Variants in ROBO1 observed in about 807,000 individuals in gnomAD.
The protein encoded by ROBO1 is roundabout homolog 1.
A neutral mutation model predicts 195.9 loss-of-function variants in ROBO1; 149 were observed. The ratio of observed to expected loss-of-function variants is 0.76; its 90% CI spans 0.67 to 0.87. The LOEUF is 0.87. ROBO1 is among the 40% of genes least tolerant of loss of function. ROBO1 has a pLI of 0.00. For synonymous variants in ROBO1, 816 were observed against 733.2 expected, an observed-to-expected ratio of 1.11 and a Z score of -1.82; for missense variants, 1,933 against 2,068.3, an observed-to-expected ratio of 0.93 and a Z score of 1.27.
At chr3:79,167,511 G>C (rs1195685176) in intron 2 of ROBO1, among the ~76,000 whole-genome samples, 1 of 152,130 alleles carries the variant, frequency 6.6e-6, no homozygotes, top group Non-Finnish European at 1.5e-5. Flanking sequence ...TGGGGCTACT[G>C]TCTTCATATA....
At chr3:79,409,699 A>G (rs1306531706) in intron 2 of ROBO1, among the ~76,000 whole-genome samples, 2 of 152,258 alleles carry the variant, frequency 1.3e-5, no homozygotes, top group Non-Finnish European at 1.5e-5. Context: ...GAAAAGGTTG[A>G]AACCCATGAG....
At chr3:78,598,963 AAT>A (rs1703002382) in intron 30 of ROBO1, 36 bp from the exon 31 acceptor site, 1 of 1,414,960 alleles carries the variant, frequency 7.1e-7, no homozygotes, top group Non-Finnish European at 9.8e-7. Context: ...TTTGAAAATA[AAT>A]CTTAAGAGGA....
intron 3 of ROBO1, among the ~76,000 whole-genome samples, chr3:79,029,275 G>T (rs1456208113): frequency 6.6e-6 from 1 of 151,964 alleles, no homozygotes; most frequent in African/African-American, 2.4e-5. Context: ...AGTGAAAAAT[G>T]AACCATAAAA....
chr3:79,714,642 A>G (rs1702406764), intron 1 of ROBO1, among the ~76,000 whole-genome samples: 1 of 151,936 alleles, frequency 6.6e-6, no homozygotes. Context: ...AATGTGGCAC[A>G]TATACATCAT....
chr3:79,437,355 T>C (rs2038921757), intron 2 of ROBO1, among the ~76,000 whole-genome samples: 1 of 152,012 alleles, frequency 6.6e-6, no homozygotes, highest in African/African-American at 2.4e-5. Context: ...TTCCTTTCTG[T>C]CCATTCCTTC....
At chr3:79,041,079 A>C (rs186622298) in intron 3 of ROBO1, among the ~76,000 whole-genome samples, 61 of 152,184 alleles carry the variant, frequency 4.0e-4, no homozygotes, top group African/African-American at 1.4e-3. Context: ...CTTCTCTCGC[A>C]ATTTTTCATG....
intron 1 of ROBO1, among the ~76,000 whole-genome samples, chr3:79,620,537 T>C (rs1345045955): frequency 2.6e-5 from 4 of 151,848 alleles, no homozygotes; most frequent in Admixed American, 1.3e-4. Flanking sequence ...TTATACTCTC[T>C]TTTTTAGTTG....
intron 4 of ROBO1, among the ~76,000 whole-genome samples, chr3:78,895,939 T>C (rs776647752): frequency 1.2e-4 from 19 of 152,324 alleles, no homozygotes; most frequent in Non-Finnish European, 2.6e-4. Flanking sequence ...ATCCTCAAAA[T>C]GTCTGAGGTT....
chr3:79,484,285 T>C (rs1454342800), intron 2 of ROBO1, among the ~76,000 whole-genome samples: 1 of 152,106 alleles, frequency 6.6e-6, no homozygotes, highest in Non-Finnish European at 1.5e-5. Flanking sequence ...GTCTAGTCAG[T>C]TTTCAAGAAA....
chr3:79,392,591 T>A (rs1294320860), intron 2 of ROBO1, among the ~76,000 whole-genome samples: 1 of 152,130 alleles, frequency 6.6e-6, no homozygotes, highest in East Asian at 1.9e-4. Context: ...TTAACAATAT[T>A]ATAGGTTTTA....
chr3:79,154,717 A>G (rs1224688715), intron 2 of ROBO1, among the ~76,000 whole-genome samples: 2 of 151,810 alleles, frequency 1.3e-5, no homozygotes, highest in Non-Finnish European at 2.9e-5. Context: ...ATGAAAAAAA[A>G]GGCAAGTTTT....
At chr3:79,761,557 A>C (rs1478901621) in intron 1 of ROBO1, among the ~76,000 whole-genome samples, 1 of 152,166 alleles carries the variant, frequency 6.6e-6, no homozygotes, top group Non-Finnish European at 1.5e-5. Flanking sequence ...TCATAATAAT[A>C]AAAAGTCAGA....
At chr3:78,718,255 C>T (rs930594748) in intron 5 of ROBO1, among the ~76,000 whole-genome samples, 36 of 152,168 alleles carry the variant, frequency 2.4e-4, no homozygotes, top group African/African-American at 7.5e-4. Context: ...TTCTTAATAC[C>T]ATATGACTAT....
chr3:79,191,748 A>G (rs2081544129), intron 2 of ROBO1, among the ~76,000 whole-genome samples: 1 of 151,408 alleles, frequency 6.6e-6, no homozygotes, highest in Non-Finnish European at 1.5e-5. Context: ...TGCTTTAATT[A>G]ATGTACTTTA....
intron 2 of ROBO1, among the ~76,000 whole-genome samples, chr3:79,355,377 A>G (rs2035510035): frequency 6.6e-6 from 1 of 152,180 alleles, no homozygotes; most frequent in Non-Finnish European, 1.5e-5. Context: ...GGTAACTAAC[A>G]TCCCATCACC....
chr3:78,689,632 T>C (rs2081126967), intron 8 of ROBO1, among the ~76,000 whole-genome samples: 1 of 152,150 alleles, frequency 6.6e-6, no homozygotes, highest in Admixed American at 6.6e-5. Context: ...ATTCATTTCG[T>C]ATCAGCTCTG....
At chr3:79,410,656 G>T (rs890231037) in intron 2 of ROBO1, among the ~76,000 whole-genome samples, 3 of 150,946 alleles carry the variant, frequency 2.0e-5, no homozygotes, top group African/African-American at 7.3e-5. Flanking sequence ...GGTGGAGAGA[G>T]GGAGGGAAAG....
At chr3:78,852,758 A>T (rs557043651) in intron 4 of ROBO1, among the ~76,000 whole-genome samples, 1 of 152,300 alleles carries the variant, frequency 6.6e-6, no homozygotes, top group African/African-American at 2.4e-5. Flanking sequence ...AGGAAATGAT[A>T]ACTTTGAATT....
intron 1 of ROBO1, among the ~76,000 whole-genome samples, chr3:79,672,727 G>C (rs992937666): frequency 6.6e-6 from 1 of 151,844 alleles, no homozygotes; most frequent in African/African-American, 2.4e-5. Context: ...CTCCCCACAA[G>C]ACAACACTGC....
Sources: gnomAD v4.1 joint callset for allele counts (sites outside exome capture counted in the v4.1 genomes callset) on GRCh38, gnomAD v4.1.1 for gene constraint, MANE v1.5 for transcripts, NCBI Gene and HGNC (gene_info 2026-07-23, HGNC 2026-07-21) for gene names.